Variants in GALNT13 observed in about 807,000 individuals in gnomAD.
The protein encoded by GALNT13 is polypeptide N-acetylgalactosaminyltransferase 13, also known as UDP-GalNAc:polypeptide N-acetylgalactosaminyltransferase 13.
A neutral mutation model predicts 64.2 loss-of-function variants in GALNT13; 28 were observed. The observed-to-expected ratio is 0.44, with a 90% CI of 0.32 to 0.60. GALNT13 has a LOEUF of 0.60. Among genes scored for constraint, GALNT13 ranks in the 20% least tolerant of loss-of-function variants. GALNT13 has a pLI of 0.05. For synonymous variants in GALNT13, 214 were observed against 224.6 expected (o/e 0.95, Z 0.42); for missense variants, 577 against 669.8 (o/e 0.86, Z 1.53).
At chr2:153,268,423 G>T in the GALNT13 span, among the ~76,000 whole-genome samples, 1 of 152,234 alleles carries the variant, frequency 6.6e-6, no homozygotes, top group African/African-American at 2.4e-5. Flanking sequence ...GCCTTGGAAA[G>T]CTCTGCCCCT....
intron 3 of GALNT13, among the ~76,000 whole-genome samples, chr2:154,100,983 A>T (rs1702318061): frequency 6.6e-6 from 1 of 151,798 alleles, no homozygotes; most frequent in South Asian, 2.1e-4. Flanking sequence ...TTTGTTTCTA[A>T]TCTTATTTAT....
At chr2:153,850,177 TAAAAAAA>T in the GALNT13 span, among the ~76,000 whole-genome samples, 4 of 141,876 alleles carry the variant, frequency 2.8e-5, no homozygotes, top group African/African-American at 5.3e-5. Context: ...AGACTCCGTC[TAAAAAAA>T]AAAAAGAAAA....
At chr2:153,342,577 T>A in the GALNT13 span, among the ~76,000 whole-genome samples, 1 of 152,212 alleles carries the variant, frequency 6.6e-6, no homozygotes, top group Non-Finnish European at 1.5e-5. Context: ...ACATTACAAT[T>A]TGACTTTATC....
At chr2:153,718,580 G>T in the GALNT13 span, among the ~76,000 whole-genome samples, 1 of 152,094 alleles carries the variant, frequency 6.6e-6, no homozygotes, top group African/African-American at 2.4e-5. Flanking sequence ...GGGGCTTCTG[G>T]TGGCCCACAA....
the GALNT13 span, among the ~76,000 whole-genome samples, chr2:153,183,988 T>A: frequency 1.3e-5 from 2 of 152,310 alleles, no homozygotes; most frequent in East Asian, 3.9e-4. Flanking sequence ...TTTAAAATAG[T>A]TTTTATCTAA....
chr2:154,262,344 G>A (rs920634280), intron 8 of GALNT13, among the ~76,000 whole-genome samples: 2 of 152,214 alleles, frequency 1.3e-5, no homozygotes, highest in Non-Finnish European at 2.9e-5. Flanking sequence ...GAGAAAGAAA[G>A]ACGCTAACAT....
At chr2:153,542,935 T>G in the GALNT13 span, among the ~76,000 whole-genome samples, 7 of 152,254 alleles carry the variant, frequency 4.6e-5, no homozygotes, top group African/African-American at 1.7e-4. Flanking sequence ...GTAACCAACT[T>G]TACATGTATT....
At chr2:154,298,813 A>AT (rs1209546801) in intron 8 of GALNT13, among the ~76,000 whole-genome samples, 1,215 of 3,702 alleles carry the variant, frequency 0.33, 496 homozygotes, top group Middle Eastern at 0.67. Context: ...TAAATTATAT[A>AT]TTATTTATAT....
intron 9 of GALNT13, among the ~76,000 whole-genome samples, chr2:154,303,033 CAT>C (rs1491557970): frequency 5.3e-5 from 8 of 152,084 alleles, no homozygotes; most frequent in African/African-American, 1.9e-4. Flanking sequence ...CTTTATCTGT[CAT>C]ATGTTTTTAT....
the GALNT13 span, among the ~76,000 whole-genome samples, chr2:153,513,095 T>A: frequency 3.3e-5 from 5 of 152,218 alleles, no homozygotes; most frequent in African/African-American, 4.8e-5. Context: ...GTAAAATAAA[T>A]ACCTGTTGAG....
the GALNT13 span, among the ~76,000 whole-genome samples, chr2:153,399,608 G>T: frequency 6.6e-6 from 1 of 151,642 alleles, no homozygotes; most frequent in East Asian, 1.9e-4. Context: ...CTTGAGCAGT[G>T]GTTTGTAGTT....
intron 2 of GALNT13, among the ~76,000 whole-genome samples, chr2:153,926,949 C>A (rs1441606319): frequency 6.6e-6 from 1 of 152,012 alleles, no homozygotes; most frequent in Non-Finnish European, 1.5e-5. Flanking sequence ...CACGTTTTTC[C>A]AATGCTTGTA....
At chr2:154,441,149 A>G (rs775920470) in intron 12 of GALNT13, among the ~76,000 whole-genome samples, 2 of 152,118 alleles carry the variant, frequency 1.3e-5, no homozygotes, top group Non-Finnish European at 2.9e-5. Context: ...TCAAATATCT[A>G]TGTATCTTCC....
chr2:154,227,127 C>G (rs987575940), intron 4 of GALNT13, among the ~76,000 whole-genome samples: 5 of 152,012 alleles, frequency 3.3e-5, no homozygotes, highest in Admixed American at 1.3e-4. Context: ...CTTCTAGGCT[C>G]AGTACATTCA....
At chr2:153,566,504 G>A in the GALNT13 span, among the ~76,000 whole-genome samples, 19 of 151,868 alleles carry the variant, frequency 1.3e-4, no homozygotes, top group Admixed American at 2.0e-4. Flanking sequence ...ACAGGCGCCT[G>A]CCACCGCGCC....
At chr2:154,121,323 A>G (rs1681930011) in intron 3 of GALNT13, among the ~76,000 whole-genome samples, 1 of 152,092 alleles carries the variant, frequency 6.6e-6, no homozygotes, top group African/African-American at 2.4e-5. Flanking sequence ...TGATGCCACT[A>G]TTTATTTAGT....
At chr2:154,080,224 C>T (rs570763565) in intron 3 of GALNT13, among the ~76,000 whole-genome samples, 1 of 151,680 alleles carries the variant, frequency 6.6e-6, no homozygotes, top group East Asian at 1.9e-4. Flanking sequence ...GCAAAAAATT[C>T]ACTAGCCATG....
intron 3 of GALNT13, among the ~76,000 whole-genome samples, chr2:154,052,882 G>C (rs895383885): frequency 6.6e-6 from 1 of 151,690 alleles, no homozygotes; most frequent in African/African-American, 2.4e-5. Flanking sequence ...GACTACAGGC[G>C]CCCGCCACCA....
chr2:153,634,110 A>G, the GALNT13 span, among the ~76,000 whole-genome samples: 1 of 152,190 alleles, frequency 6.6e-6, no homozygotes, highest in African/African-American at 2.4e-5. Flanking sequence ...AGGAACACAA[A>G]CAGAAGTTAT....
Sources: allele counts gnomAD v4.1 joint callset (sites outside exome capture counted in the v4.1 genomes callset), GRCh38; gene constraint gnomAD v4.1.1; transcripts MANE v1.5; gene names NCBI Gene and HGNC (gene_info 2026-07-23, HGNC 2026-07-21).